The following ZMIZ1 variants were observed in gnomAD, a reference collection of about 807,000 sequenced individuals.
ZMIZ1 encodes the protein zinc finger MIZ-type containing 1, also known as zinc finger MIZ domain-containing protein 1.
Under a neutral mutation model 113.9 loss-of-function variants are expected in ZMIZ1, and 17 were observed. That is an observed-to-expected ratio of 0.15 (90% confidence interval 0.10 to 0.22). The LOEUF (loss-of-function observed/expected upper bound fraction) is 0.22, where lower values mean the gene tolerates loss of function less well. Ranked by LOEUF, ZMIZ1 falls within the 10% of genes least tolerant of loss-of-function variation. The pLI, the probability that ZMIZ1 is intolerant of heterozygous loss-of-function variation, is 1.00. For synonymous variants in ZMIZ1, 607 were observed against 603.1 expected, an observed-to-expected ratio of 1.01 and a Z score of -0.09; for missense variants, 1,059 against 1,477.8, an observed-to-expected ratio of 0.72 and a Z score of 4.65.
At chr10:79,287,195 T>G (rs181695545) in intron 8 of ZMIZ1, among the ~76,000 whole-genome samples, 14 of 152,320 alleles carry the variant, frequency 9.2e-5, no homozygotes, top group African/African-American at 3.4e-4. Context: ...GTGACCTCCC[T>G]GGGAGACAGA....
intron 7 of ZMIZ1, among the ~76,000 whole-genome samples, chr10:79,222,468 A>G (rs1813030573): frequency 6.6e-6 from 1 of 152,226 alleles, no homozygotes; most frequent in South Asian, 2.1e-4. Flanking sequence ...TCAACGCAGC[A>G]GCCCGAGTCC....
At chr10:79,307,152 G>T (rs1010301194) in intron 22 of ZMIZ1, among the ~76,000 whole-genome samples, 2 of 151,972 alleles carry the variant, frequency 1.3e-5, no homozygotes, top group Non-Finnish European at 2.9e-5. Flanking sequence ...AGCCTGGCCC[G>T]CCCCCTTTGT....
chr10:79,170,069 C>T (rs892511268), intron 4 of ZMIZ1, among the ~76,000 whole-genome samples: 2 of 152,220 alleles, frequency 1.3e-5, no homozygotes, highest in African/African-American at 4.8e-5. Context: ...ACCTGGGACA[C>T]CTGTTTAAAT....
In ZMIZ1 at chr10:79,135,175, T is replaced by C. The variant is rs942957565; in HGVS notation, c.-226-4507T>C. On this transcript the variant is annotated intron_variant, in intron 2 of 24. Coordinates refer to ENST00000334512, the MANE Select transcript of ZMIZ1 (RefSeq NM_020338.4). ...GAATATGGACACGGCTTACAGTACC[T>C]AATAAGGTGGGTTATTTGATAACTT... is the stretch of plus-strand genomic sequence containing the variant. Among the ~76,000 whole-genome samples, 126 of 152,186 alleles carry C rather than the reference T, an allele frequency of 8.3e-4. 1 individual carries two copies. The highest frequency in any genetic ancestry group is 3.0e-3 in the African/African-American group (123 of 41,444).
At chr10:79,270,425 G>T (rs1162311356) in intron 7 of ZMIZ1, among the ~76,000 whole-genome samples, 1 of 152,220 alleles carries the variant, frequency 6.6e-6, no homozygotes, top group Non-Finnish European at 1.5e-5. Context: ...CTTGGGTGCA[G>T]CTGGTGCAGG....
chr10:79,094,999 C>T (rs982632373), intron 1 of ZMIZ1, among the ~76,000 whole-genome samples: 3 of 151,216 alleles, frequency 2.0e-5, no homozygotes, highest in East Asian at 3.9e-4. Flanking sequence ...CAAGCAGTGG[C>T]GCTGGATGCT....
At position 79,078,331 on chromosome 10, in the gene ZMIZ1, C is replaced by A. The variant is rs139789545; in HGVS notation, c.-337+9061C>A. On this transcript the variant is annotated intron_variant, in intron 1 of 24. Transcript: ENST00000334512. ...AATGGTAACTGACTGGAACTTCTGG[C>A]CAGTCACTCACCCCTCCGAGCCTCA... is the stretch of plus-strand genomic sequence containing the variant. Among the ~76,000 whole-genome samples the A allele has an allele frequency of 8.9e-3, 1,350 of 152,154 alleles. 20 individuals are homozygous for A. The highest frequency in any genetic ancestry group is 0.031 in the African/African-American group (1,291 of 41,482).
chr10:79,190,679 GC>G (rs1847562100), intron 4 of ZMIZ1, among the ~76,000 whole-genome samples: 1 of 152,160 alleles, frequency 6.6e-6, no homozygotes, highest in South Asian at 2.1e-4. Flanking sequence ...CCCCTGTGTG[GC>G]TAGGTAGAAA....
chr10:79,302,762 C>T (rs1381375005), intron 18 of ZMIZ1, among the ~76,000 whole-genome samples: 2 of 137,022 alleles, frequency 1.5e-5, no homozygotes, highest in Non-Finnish European at 3.1e-5. Flanking sequence ...GGCATGATCT[C>T]GGCTCACTGC....
At chr10:79,310,224 C>T (rs529864100) in intron 23 of ZMIZ1, among the ~76,000 whole-genome samples, 10 of 152,298 alleles carry the variant, frequency 6.6e-5, no homozygotes, top group African/African-American at 9.6e-5. Flanking sequence ...GGGCTGGTGC[C>T]GACCAAGTGG....
chr10:79,260,034 T>C (rs184273650), intron 7 of ZMIZ1, among the ~76,000 whole-genome samples: 8 of 152,390 alleles, frequency 5.2e-5, no homozygotes, highest in Admixed American at 5.2e-4. Flanking sequence ...TTCTGAGCTC[T>C]GAGCGTCTGC....
At chr10:79,209,471 G>A (rs1848456394) in intron 6 of ZMIZ1, among the ~76,000 whole-genome samples, 1 of 152,244 alleles carries the variant, frequency 6.6e-6, no homozygotes, top group South Asian at 2.1e-4. Context: ...CTGCTCAGAA[G>A]GCCCTGAGTC....
chr10:79,131,108 TC>T (rs910039242), intron 2 of ZMIZ1, among the ~76,000 whole-genome samples: 1 of 152,122 alleles, frequency 6.6e-6, no homozygotes, highest in Non-Finnish European at 1.5e-5. Context: ...TCTTCCCATG[TC>T]CCCCACAGCT....
In ZMIZ1 at chr10:79,296,703, C is replaced by T; in HGVS notation, c.1413+50C>T. On this transcript the variant is annotated intron_variant, in intron 13 of 24. Transcript: ENST00000334512. This position sits in a 1 kb window ranked among gnomAD's most constrained non-coding sequence, Gnocchi z 4.1. ...CACGGGGCCCCTTCCCTCCTAACCA[C>T]CTCACTCCCCTAACTCCACCGGGAT... 4.0e-6 allele frequency: 6 copies of T among 1,486,606 alleles called. No individual in the cohort carries two copies. The highest frequency in any genetic ancestry group is 1.4e-5 in the African/African-American group (1 of 70,940). The allele number at this position is 1,486,606 out of a possible 1,614,324, so 92.1% of individuals were successfully genotyped here.
chr10:79,210,572 A>G (rs1261639187), intron 6 of ZMIZ1, among the ~76,000 whole-genome samples: 1 of 152,244 alleles, frequency 6.6e-6, no homozygotes, highest in East Asian at 1.9e-4. Context: ...AGGGTGCTCC[A>G]GGCAGAGGGA....
At chr10:79,250,664 C>T (rs776743386) in intron 7 of ZMIZ1, among the ~76,000 whole-genome samples, 1 of 152,198 alleles carries the variant, frequency 6.6e-6, no homozygotes, top group Non-Finnish European at 1.5e-5. Flanking sequence ...GGTCTGTGAG[C>T]CCCTGCATTT....
intron 7 of ZMIZ1, among the ~76,000 whole-genome samples, chr10:79,233,014 G>A (rs12250624): frequency 0.11 from 17,021 of 152,244 alleles, 1,324 homozygotes; most frequent in African/African-American, 0.2. Context: ...TTCCAGCCAC[G>A]CCCCCGACAC....
At chr10:79,090,249 TG>T (rs1287004532) in intron 1 of ZMIZ1, among the ~76,000 whole-genome samples, 1 of 152,188 alleles carries the variant, frequency 6.6e-6, no homozygotes, top group African/African-American at 2.4e-5. Flanking sequence ...TGTTTTGTGG[TG>T]CCCCTGAGCA....
chr10:79,210,280 G>A (rs949935891), intron 6 of ZMIZ1, among the ~76,000 whole-genome samples: 7 of 152,208 alleles, frequency 4.6e-5, no homozygotes, highest in Admixed American at 3.9e-4. Flanking sequence ...CTGAATCAGA[G>A]AGTGGCCCTC....
Sources: allele counts gnomAD v4.1 joint callset (sites outside exome capture counted in the v4.1 genomes callset), GRCh38; gene constraint gnomAD v4.1.1; non-coding constraint Gnocchi (gnomAD v3.1); transcripts MANE v1.5; gene names NCBI Gene and HGNC (gene_info 2026-07-23, HGNC 2026-07-21).